Variants in VPS9D1 observed in about 807,000 individuals in gnomAD.
VPS9D1 encodes VPS9 domain-containing protein 1.
Under a neutral mutation model 75.8 loss-of-function variants are expected in VPS9D1, and 78 were observed. That is an observed-to-expected ratio of 1.03 (90% CI 0.86 to 1.24). The LOEUF (loss-of-function observed/expected upper bound fraction) is 1.24, where lower values mean the gene tolerates loss of function less well. Ranked by LOEUF, VPS9D1 falls within the 50% of genes most tolerant of loss-of-function variation. VPS9D1 has a pLI of 0.00. For missense variants in VPS9D1, 1,057 were observed against 847.7 expected, an observed-to-expected ratio of 1.25 and a Z score of -3.07; for synonymous variants, 481 against 385.6, an observed-to-expected ratio of 1.25 and a Z score of -2.90.
At position 89,712,469 on chromosome 16, in the gene VPS9D1, C is replaced by G; in HGVS notation, c.597G>C (p.Arg199=). 6.2e-7 allele frequency: 1 copy of G among 1,613,384 alleles called. No individual in the cohort carries two copies. Among genetic ancestry groups the G allele is most frequent in the Middle Eastern group, 1.7e-4 (1 of 5,992 alleles). Residue 199 remains arginine (R), a synonymous_variant, in exon 6 of 15, where the codon CGG becomes CGC. Transcript: ENST00000389386. ...CGGTCAGAAAGGCTGCTGTCTCCTC[C>G]CGGGCTTTGGCAATCACTAGGTTCT... ...MMENLVIAKA[R]EETLQRKMEE...
chr16:89,720,574 C>T (rs2061232688), intron 1 of VPS9D1, 189 bp downstream of exon 1: 2 of 1,197,398 alleles, frequency 1.7e-6, no homozygotes, highest in Admixed American at 4.5e-5. Flanking sequence ...AGGATCTGAG[C>T]TGTCCAAGGT....
At chr16:89,711,440 G>C (rs564027792) in intron 8 of VPS9D1, 28 bp from the exon 9 acceptor site, 40 of 1,581,476 alleles carry the variant, frequency 2.5e-5, no homozygotes, top group Middle Eastern at 3.3e-4. Context: ...TTGAAGGAAA[G>C]CACGGTGGGT....
intron 2 of VPS9D1, 84 bp from the exon 3 acceptor site, chr16:89,716,906 C>G: frequency 7.6e-7 from 1 of 1,314,260 alleles, no homozygotes; most frequent in Non-Finnish European, 1.0e-6. Flanking sequence ...ACGGAAAAGG[C>G]AGGCAAGCCC....
rs775415990 is a variant in VPS9D1, at chr16:89,708,645, G to A, written c.1698-114C>T. 769 of 1,221,696 alleles carry A rather than the reference G, an allele frequency of 6.3e-4. 3 individuals are homozygous for A. Among genetic ancestry groups the A allele is most frequent in the Admixed American group, 1.1e-3 (49 of 45,740 alleles). The allele number at this position is 1,221,696 out of a possible 1,614,324, so 75.7% of individuals were successfully genotyped here. A position where few individuals can be genotyped will look rare whatever the true frequency, so the allele number is the denominator to read the frequency against. On this transcript the variant is annotated intron_variant, in intron 13 of 14. Transcript: ENST00000389386. ...GGCCGCCATCTCTGTGCCCTTCTGC[G>A]CAGAGGCACCGGAAGGCAGCTGGGC...
chr16:89,716,726 C>T lies in VPS9D1; in HGVS notation c.268+4G>A, dbSNP rs372029105. On this transcript the variant is annotated splice_donor_region_variant and intron_variant, in intron 3 of 14. Transcript: ENST00000389386. ...AGGAGAGCCGCCTACTGCAGGAGAC[C>T]CACCAAGCTTGGCGGCCGTCGACTG... is the stretch of plus-strand genomic sequence containing the variant. The T allele has an allele frequency of 1.3e-6, 2 of 1,588,468 alleles. No individual in the cohort carries two copies.
At chr16:89,713,681 AT>A (rs2060994913) in intron 4 of VPS9D1, among the ~76,000 whole-genome samples, 1 of 152,030 alleles carries the variant, frequency 6.6e-6, no homozygotes, top group South Asian at 2.1e-4. Flanking sequence ...ATGACTTCGA[AT>A]GTGGCCCAAC....
rs1223213715 is a variant in VPS9D1 at position 89,707,703 on chromosome 16, A to C, written c.*158T>G. ...GTCAGATGTGAGGTGAGGAAGGTGAAGAGCTGGAGAGCACACCACAGTGGA... is the reference window on the plus strand; with the variant it reads ...GTCAGATGTGAGGTGAGGAAGGTGACGAGCTGGAGAGCACACCACAGTGGA... On this transcript the variant is annotated 3_prime_UTR_variant, in exon 15 of 15. Coordinates refer to ENST00000389386, the MANE Select transcript of VPS9D1 (RefSeq NM_004913.3). 1.6e-6 allele frequency: 1 copy of C among 631,218 alleles called. No individual in the cohort carries two copies. The highest frequency in any genetic ancestry group is 2.8e-6 in the Non-Finnish European group (1 of 361,974). The allele number at this position is 631,218 out of a possible 1,614,324, so 39.1% of individuals were successfully genotyped here.
In VPS9D1 at chr16:89,710,857, C is replaced by G; in HGVS notation, c.987G>C (p.Gln329His). The G allele has an allele frequency of 6.6e-7, 1 of 1,512,112 alleles. No individual in the cohort carries two copies. Among genetic ancestry groups the G allele is most frequent in the Non-Finnish European group, 8.9e-7 (1 of 1,129,420 alleles). 93.7% of individuals were successfully genotyped at this position (1,512,112 alleles called of 1,614,324 possible). ...NPGSRRLRPS[Q>H]SLHCMLSPPE... is the part of the protein sequence containing the mutation. Reference sequence around the variant, plus strand: ...GCGGGGACAGCATGCAATGGAGGCTCTGCGAGGGCCGCAGCCGTCGGCTTC... The same window carrying G: ...GCGGGGACAGCATGCAATGGAGGCTGTGCGAGGGCCGCAGCCGTCGGCTTC... The change falls in exon 10 of 15, where the codon CAG becomes CAC. Residue 329 changes from glutamine (Q) to histidine (H), a missense_variant. Physicochemically the swap from Gln to His is conservative, Grantham distance 24. Coordinates refer to ENST00000389386, the MANE Select transcript of VPS9D1 (RefSeq NM_004913.3).
chr16:89,720,507 T>G (rs1447505839), intron 1 of VPS9D1: 8 of 1,140,390 alleles, frequency 7.0e-6, no homozygotes, highest in Non-Finnish European at 8.6e-6. Flanking sequence ...CCTCTACAGG[T>G]GGAGCCCAGG....
At chr16:89,714,996 C>G (rs1300545398) in intron 4 of VPS9D1, among the ~76,000 whole-genome samples, 1 of 152,044 alleles carries the variant, frequency 6.6e-6, no homozygotes, top group African/African-American at 2.4e-5. Context: ...GCCTCCCTCC[C>G]ATTTTCTTTC....
chr16:89,713,965 C>T (rs542864427), intron 4 of VPS9D1, among the ~76,000 whole-genome samples: 2 of 152,102 alleles, frequency 1.3e-5, no homozygotes, highest in African/African-American at 4.8e-5. Flanking sequence ...TTGAGTCAGT[C>T]TCATTCTGTC....
At chr16:89,709,935 C>T (rs1468120153) in intron 10 of VPS9D1, 29 bp from the exon 11 acceptor site, 5 of 1,575,590 alleles carry the variant, frequency 3.2e-6, no homozygotes, top group Non-Finnish European at 4.3e-6. Flanking sequence ...GGGACGTCCA[C>T]AGAGGCTCCT....
At chr16:89,709,025 G>GCCCCCCCCCCCCCCC in intron 12 of VPS9D1, 69 bp from the exon 13 acceptor site, 1 of 627,190 alleles carries the variant, frequency 1.6e-6, no homozygotes, top group Non-Finnish European at 2.0e-6. Flanking sequence ...CTTATACCCC[G>GCCCCCCCCCCCCCCC]CCCACCCACC....
At chr16:89,709,030 C>A in intron 12 of VPS9D1, 74 bp from the exon 13 acceptor site, 1 of 820,186 alleles carries the variant, frequency 1.2e-6, no homozygotes. Context: ...ACCCCGCCCA[C>A]CCACCCACCT....
intron 8 of VPS9D1, chr16:89,711,618 T>TGGGACCCTCCCCCCTCGCA (rs2060924338): frequency 2.5e-5 from 13 of 523,010 alleles, no homozygotes; most frequent in Admixed American, 4.5e-5. Context: ...GCACCCTCGC[T>TGGGACCCTCCCCCCTCGCA]GGGACCCTCC....
Position 89,708,939 on chromosome 16 carries a change from T to C in VPS9D1, c.1615A>G (p.Ile539Val), listed in dbSNP as rs892067929. 1 of 1,604,754 alleles carries C rather than the reference T, an allele frequency of 6.2e-7. No individual in the cohort carries two copies. Among genetic ancestry groups the C allele is most frequent in the Non-Finnish European group, 8.5e-7 (1 of 1,177,002 alleles). ...CAGTAGTCTTCCGCACAGACACAGA[T>C]GATCCGCAGGGTCCGCACTGCGCCC... ...LECIVRTLRIICVCAEDYCPT... is the reference protein window; with the variant it reads ...LECIVRTLRIVCVCAEDYCPT... Residue 539 changes from isoleucine (I) to valine (V), a missense_variant, in exon 13 of 15, where the codon ATC becomes GTC. Transcript: ENST00000389386.
At chr16:89,709,565 C>G in intron 11 of VPS9D1, 130 bp from the exon 12 acceptor site, 1 of 1,288,944 alleles carries the variant, frequency 7.8e-7, no homozygotes. Context: ...CCAGCGTTGC[C>G]AAGACCCCAG....
At chr16:89,709,100 T>G (rs761980926) in intron 12 of VPS9D1, 127 bp downstream of exon 12, 651 of 1,390,328 alleles carry the variant, frequency 4.7e-4, no homozygotes, top group Non-Finnish European at 4.8e-4. Flanking sequence ...CAGACACCAC[T>G]TTTGTTCTGG....
At chr16:89,709,954 G>C (rs2060878188) in intron 10 of VPS9D1, 48 bp from the exon 11 acceptor site, 3 of 1,549,534 alleles carry the variant, frequency 1.9e-6, no homozygotes, top group Non-Finnish European at 2.6e-6. Context: ...CTCCCCTGCT[G>C]GGTCAAGTGG....
Sources: allele counts gnomAD v4.1 joint callset (sites outside exome capture counted in the v4.1 genomes callset), GRCh38; gene constraint gnomAD v4.1.1; transcripts MANE v1.5; gene names NCBI Gene and HGNC (gene_info 2026-07-23, HGNC 2026-07-21).